ATG7: variants seen among roughly 807,000 people sequenced by gnomAD.
ATG7 encodes the protein ubiquitin-like modifier-activating enzyme ATG7.
Under a neutral mutation model 82.4 loss-of-function variants are expected in ATG7, and 70 were observed. That is an observed-to-expected ratio of 0.85 (90% CI 0.70 to 1.04). The LOEUF is 1.04. Ranked by LOEUF, ATG7 falls within the 50% of genes least tolerant of loss-of-function variation. ATG7 has a pLI of 0.00. For synonymous variants in ATG7, 287 were observed against 313.0 expected (o/e 0.92, Z 0.88); for missense variants, 792 against 864.3 (o/e 0.92, Z 1.05).
intron 20 of ATG7, among the ~76,000 whole-genome samples, chr3:11,531,065 G>A (rs2092684986): frequency 6.6e-6 from 1 of 152,180 alleles, no homozygotes; most frequent in African/African-American, 2.4e-5. Context: ...GGACTATGGA[G>A]TCGGCAGAGC....
At chr3:11,286,079 G>T (rs1943946344) in intron 3 of ATG7, among the ~76,000 whole-genome samples, 1 of 152,164 alleles carries the variant, frequency 6.6e-6, no homozygotes, top group African/African-American at 2.4e-5. Context: ...TGAGATCCAG[G>T]TTGTGTATTT....
intron 19 of ATG7, among the ~76,000 whole-genome samples, chr3:11,387,042 T>TC (rs1208823382): frequency 6.6e-6 from 1 of 152,240 alleles, no homozygotes; most frequent in African/African-American, 2.4e-5. Flanking sequence ...TGTATCCAGT[T>TC]CCCTGTGGCC....
rs999985511 is a variant in ATG7 at position 11,409,844 on chromosome 3, G to C, written c.1957-16960G>C. 2.0e-5 allele frequency among the ~76,000 whole-genome samples: 3 copies of C among 149,722 alleles called. No individual in the cohort carries two copies. The South Asian group carries it at 6.3e-4, about 32-fold the overall frequency. On this transcript the variant is annotated intron_variant, in intron 19 of 20. Transcript: ENST00000693202. ...ATTTGTTGAACAGATTATCTTTTCT[G>C]CATTGTGTTGCCTTTGCCCCATTGT... is the stretch of plus-strand genomic sequence containing the variant.
intron 1 of ATG7, among the ~76,000 whole-genome samples, chr3:11,280,312 T>C (rs1942816520): frequency 6.6e-6 from 1 of 152,214 alleles, no homozygotes; most frequent in Admixed American, 6.5e-5. Context: ...GTGTCTCCTA[T>C]GGGCCAGATG....
chr3:11,393,068 T>C (rs990660393), intron 19 of ATG7, among the ~76,000 whole-genome samples: 1 of 152,162 alleles, frequency 6.6e-6, no homozygotes, highest in African/African-American at 2.4e-5. Flanking sequence ...AAACTTTTCA[T>C]TGGCGCAGGT....
At chr3:11,426,281 C>T (rs995099737) in intron 19 of ATG7, among the ~76,000 whole-genome samples, 1 of 152,180 alleles carries the variant, frequency 6.6e-6, no homozygotes, top group Non-Finnish European at 1.5e-5. Flanking sequence ...ATCAACTACT[C>T]ATGCCATGGA....
intron 20 of ATG7, among the ~76,000 whole-genome samples, chr3:11,495,702 A>T (rs2090773569): frequency 6.6e-6 from 1 of 152,182 alleles, no homozygotes; most frequent in African/African-American, 2.4e-5. Flanking sequence ...GTCAGTCATG[A>T]CTGATGGCCA....
chr3:11,552,868 C>T lies in ATG7; in HGVS notation c.2080-1943C>T, dbSNP rs187457186. Among the ~76,000 whole-genome samples, 26 of 152,280 alleles carry T rather than the reference C, an allele frequency of 1.7e-4. No homozygotes were observed. In the East Asian group the frequency reaches 4.4e-3, roughly 26 times the overall value. On this transcript the variant is annotated intron_variant, in intron 20 of 20. Coordinates refer to ENST00000693202, the MANE Select transcript of ATG7 (RefSeq NM_001349232.2). Reference sequence around the variant, plus strand: ...GTGGCTGAGCACCTATGCCTCTTCCCCATAGCTAAAAACCCAGTAAAATGG... The same window carrying T: ...GTGGCTGAGCACCTATGCCTCTTCCTCATAGCTAAAAACCCAGTAAAATGG...
the ATG7 span, among the ~76,000 whole-genome samples, chr3:11,566,011 T>C: frequency 2.0e-5 from 3 of 152,290 alleles, no homozygotes; most frequent in South Asian, 4.2e-4. Context: ...TGAATTATGA[T>C]TTGAGTGAAT....
chr3:11,529,976 C>G (rs2092663301), intron 20 of ATG7, among the ~76,000 whole-genome samples: 1 of 152,326 alleles, frequency 6.6e-6, no homozygotes, highest in Middle Eastern at 3.4e-3. Flanking sequence ...AGACTTCCTT[C>G]TCACTCCTTT....
chr3:11,291,146 T>A (rs1021677831), intron 3 of ATG7, among the ~76,000 whole-genome samples: 3 of 152,224 alleles, frequency 2.0e-5, no homozygotes, highest in African/African-American at 4.8e-5. Flanking sequence ...ACAAGTTACA[T>A]TTGTCCTTGA....
At chr3:11,489,099 C>T (rs2090085062) in intron 20 of ATG7, among the ~76,000 whole-genome samples, 1 of 152,154 alleles carries the variant, frequency 6.6e-6, no homozygotes, top group Non-Finnish European at 1.5e-5. Context: ...TTGGTCTATT[C>T]AGAAATTCAA....
chr3:11,363,345 T>C, intron 17 of ATG7, among the ~76,000 whole-genome samples: 1 of 151,996 alleles, frequency 6.6e-6, no homozygotes, highest in East Asian at 1.9e-4. Flanking sequence ...TAGGTTCAAG[T>C]GATTCTCCTG....
chr3:11,466,846 G>A (rs2153006959), intron 20 of ATG7, among the ~76,000 whole-genome samples: 1 of 152,150 alleles, frequency 6.6e-6, no homozygotes, highest in African/African-American at 2.4e-5. Context: ...AAATAATGAT[G>A]GAGCTGGGCA....
rs1264163978 is a variant in ATG7, at chr3:11,322,246, A to C, written c.678+6753A>C. ...ACATAACAAAACAAGACTTTTGCAAAATAATGCTTTCCTTTTTCTGTTTTA... is the reference window on the plus strand; with the variant it reads ...ACATAACAAAACAAGACTTTTGCAACATAATGCTTTCCTTTTTCTGTTTTA... On this transcript the variant is annotated intron_variant, in intron 9 of 20. Coordinates refer to ENST00000693202, the MANE Select transcript of ATG7 (RefSeq NM_001349232.2). Among the ~76,000 whole-genome samples the C allele has an allele frequency of 2.6e-5, 4 of 152,346 alleles. No individual in the cohort carries two copies. The East Asian group carries it at 7.7e-4, about 29-fold the overall frequency.
chr3:11,443,362 T>C (rs1203263279), intron 20 of ATG7, among the ~76,000 whole-genome samples: 1 of 152,172 alleles, frequency 6.6e-6, no homozygotes, highest in African/African-American at 2.4e-5. Context: ...GAAAGCACCA[T>C]GCATGTTTGA....
intron 20 of ATG7, among the ~76,000 whole-genome samples, chr3:11,531,210 TAGA>T (rs1559805901): frequency 6.6e-6 from 1 of 151,816 alleles, no homozygotes; most frequent in Non-Finnish European, 1.5e-5. Context: ...TCTGGCAGTC[TAGA>T]AGAAGGGGGG....
chr3:11,546,426 C>T (rs746919210), intron 20 of ATG7, among the ~76,000 whole-genome samples: 20 of 152,170 alleles, frequency 1.3e-4, no homozygotes, highest in Non-Finnish European at 2.4e-4. Flanking sequence ...CCTGACTTGG[C>T]TTCCCAAAAT....
chr3:11,472,996 C>G (rs77367100), intron 20 of ATG7, among the ~76,000 whole-genome samples: 1,714 of 151,724 alleles, frequency 0.011, 31 homozygotes, highest in African/African-American at 0.039. Context: ...TTTCCTTTCA[C>G]TTTTTTTTTG....
Sources: allele counts gnomAD v4.1 joint callset (sites outside exome capture counted in the v4.1 genomes callset), GRCh38; gene constraint gnomAD v4.1.1; transcripts MANE v1.5; gene names NCBI Gene and HGNC (gene_info 2026-07-23, HGNC 2026-07-21).